The following GGT1 variants were observed in gnomAD, a reference collection of about 807,000 sequenced individuals.
GGT1 encodes glutathione hydrolase 1 proenzyme.
In GGT1, 21 loss-of-function variants were observed where a neutral mutation model predicts 56.0. The ratio of observed to expected loss-of-function variants is 0.38; its 90% CI spans 0.27 to 0.54. GGT1 has a LOEUF of 0.54. Ranked by LOEUF, GGT1 falls within the 20% of genes least tolerant of loss-of-function variation. The pLI is 0.82. For synonymous variants in GGT1, 238 were observed against 342.6 expected (o/e 0.69, Z 3.37); for missense variants, 466 against 787.0 (o/e 0.59, Z 4.88).
At chr22:24,616,717 T>C (rs529748885) in intron 7 of GGT1, among the ~76,000 whole-genome samples, 1 of 151,980 alleles carries the variant, frequency 6.6e-6, no homozygotes, top group South Asian at 2.1e-4. Flanking sequence ...GCTAATTTTT[T>C]GTATTTTTTA....
chr22:24,589,558 G>A, the GGT1 span: 1 of 470,340 alleles, frequency 2.1e-6, no homozygotes. Context: ...GGGCCCCCAG[G>A]CCTGGTGCAC....
upstream of GGT1, chr22:24,593,220 A>G: frequency 1.9e-6 from 1 of 532,626 alleles, no homozygotes; most frequent in Non-Finnish European, 2.4e-6. Flanking sequence ...GTTTGGCCTG[A>G]TCACACTGGA....
rs12167957 is a variant in GGT1, at chr22:24,628,049, C to T, written c.1337-32C>T. On this transcript the variant is annotated intron_variant, in intron 13 of 15. Transcript: ENST00000400382. This position sits in a 1 kb window ranked among gnomAD's most constrained non-coding sequence, Gnocchi z 5.7. ...GCGGGTGTCCTGGGCAGGCAGCTGACGGGCATCCCTGTCTTCTCCCATCGG... is the reference window on the plus strand; with the variant it reads ...GCGGGTGTCCTGGGCAGGCAGCTGATGGGCATCCCTGTCTTCTCCCATCGG... 0.019 allele frequency: 31,068 copies of T among 1,610,866 alleles called. 4,417 individuals are homozygous for T. In the African/African-American group the frequency reaches 0.35, roughly 18 times the overall value.
Position 24,628,386 on chromosome 22 carries a change from C to T in GGT1, c.1561C>T (p.Gln521Ter). ...CACGACAGTGGAGAGAAACATTGAC[C>T]AGGTGGGCCGGGGGTTGGAGAAACT... Reference protein sequence around the residue: ...NVTTVERNIDQAVTAALETRH... With the variant: ...NVTTVERNID The change falls in exon 15 of 16, where the codon CAG becomes TAG. Residue 521 changes from glutamine to a stop codon, truncating the protein, a stop_gained and splice_region_variant. Coordinates refer to ENST00000400382, the MANE Select transcript of GGT1 (RefSeq NM_001288833.2). LOFTEE classifies it low-confidence loss of function (END_TRUNC). The surrounding 1 kb of genome is among the most constrained non-coding windows in gnomAD (Gnocchi z 5.7). 6.2e-7 allele frequency: 1 copy of T among 1,610,758 alleles called. No homozygotes were observed. Among genetic ancestry groups the T allele is most frequent in the East Asian group, 2.2e-5 (1 of 44,870 alleles).
At chr22:24,599,890 CAG>C (rs200599062), upstream of GGT1, among the ~76,000 whole-genome samples, 149 of 152,338 alleles carry the variant, frequency 9.8e-4, 1 homozygote, top group African/African-American at 3.3e-3. Flanking sequence ...AGTGAAGTCA[CAG>C]GGGGCTGTGG....
At chr22:24,627,735 C>T in intron 12 of GGT1, 116 bp downstream of exon 12, 1 of 1,564,976 alleles carries the variant, frequency 6.4e-7, no homozygotes, top group Non-Finnish European at 8.7e-7. Context: ...AAACTGAGGC[C>T]CAACCTTGGT....
intron 9 of GGT1, among the ~76,000 whole-genome samples, chr22:24,621,959 A>G (rs1224456853): frequency 6.6e-6 from 1 of 151,536 alleles, no homozygotes; most frequent in African/African-American, 2.4e-5. Flanking sequence ...CTGTGCCAGG[A>G]GAATCGCTAG....
At chr22:24,587,725 C>G in the GGT1 span, among the ~76,000 whole-genome samples, 2 of 152,204 alleles carry the variant, frequency 1.3e-5, no homozygotes, top group Non-Finnish European at 2.9e-5. Context: ...TTTAGGCAGC[C>G]TGGCAGTGGC....
chr22:24,592,852 C>A, upstream of GGT1: 1 of 1,277,628 alleles, frequency 7.8e-7, no homozygotes, highest in Non-Finnish European at 9.9e-7. Context: ...GCGGACGGCT[C>A]CTTCTCTCGC....
upstream of GGT1, among the ~76,000 whole-genome samples, chr22:24,601,906 T>G (rs765500605): frequency 1.3e-5 from 2 of 152,160 alleles, no homozygotes; most frequent in Non-Finnish European, 1.5e-5. Flanking sequence ...AGCACTCCCT[T>G]CTTCCCATGA....
intron 5 of GGT1, among the ~76,000 whole-genome samples, chr22:24,611,551 T>TATC (rs1281948752): frequency 0.016 from 509 of 31,138 alleles, 3 homozygotes; most frequent in African/African-American, 0.031. Context: ...ATCATCTATC[T>TATC]ATCTATCTAT....
At chr22:24,612,613 G>A (rs551759306) in intron 5 of GGT1, among the ~76,000 whole-genome samples, 1 of 151,770 alleles carries the variant, frequency 6.6e-6, no homozygotes, top group African/African-American at 2.4e-5. Context: ...TGCAACCTCC[G>A]TCTCCTGGAT....
chr22:24,621,644 C>T (rs61500154), intron 9 of GGT1, among the ~76,000 whole-genome samples: 4,901 of 152,114 alleles, frequency 0.032, 281 homozygotes, highest in African/African-American at 0.11. Flanking sequence ...ATGCCAATAC[C>T]CTGTCTGTCT....
intron 1 of GGT1, among the ~76,000 whole-genome samples, chr22:24,604,567 T>G (rs2045914761): frequency 6.6e-6 from 1 of 152,106 alleles, no homozygotes; most frequent in East Asian, 1.9e-4. Flanking sequence ...GAGTGAGGCT[T>G]GCACATTTCT....
intron 5 of GGT1, among the ~76,000 whole-genome samples, chr22:24,611,514 CCTATCTATCTAT>C (rs201643332): frequency 7.3e-6 from 1 of 136,708 alleles, no homozygotes; most frequent in African/African-American, 3.3e-5. Context: ...CTTATTTCTT[CCTATCTATCTAT>C]CTATCTATCT....
Position 24,628,158 on chromosome 22 carries a change from G to C in GGT1, c.1414G>C (p.Ala472Pro), listed in dbSNP as rs760397298. ...CCAGGTCCGGATGGTGGTGGGAGCTGCTGGGGGCACACAGATCACCACGGC... is the reference window on the plus strand; with the variant it reads ...CCAGGTCCGGATGGTGGTGGGAGCTCCTGGGGGCACACAGATCACCACGGC... ...DGQVRMVVGAAGGTQITTATA... is the reference protein window; with the variant it reads ...DGQVRMVVGAPGGTQITTATA... The change falls in exon 14 of 16, where the codon GCT (alanine) becomes CCT (proline). Residue 472 changes from alanine (A) to proline (P), a missense_variant. Physicochemically the swap from Ala to Pro is conservative, Grantham distance 27. This residue lies in a region of GGT1 where 456 missense variants were observed against 716.7 expected (regional missense o/e 0.64). Transcript: ENST00000400382. This position sits in a 1 kb window ranked among gnomAD's most constrained non-coding sequence, Gnocchi z 5.7. The C allele has an allele frequency of 6.2e-7, 1 of 1,612,038 alleles. No individual in the cohort carries two copies. The highest frequency in any genetic ancestry group is 8.5e-7 in the Non-Finnish European group (1 of 1,179,856).
At chr22:24,588,356 G>A in the GGT1 span, 2 of 1,567,644 alleles carry the variant, frequency 1.3e-6, no homozygotes, top group Non-Finnish European at 1.8e-6. Context: ...TCACCATGGT[G>A]AATCTGAGCC....
intron 2 of GGT1, chr22:24,609,392 A>T (rs2046522695): frequency 6.5e-6 from 1 of 153,578 alleles, no homozygotes; most frequent in Non-Finnish European, 1.4e-5. Flanking sequence ...GACTACTGCC[A>T]GGTCTCTCTG....
chr22:24,589,884 C>T (rs746992017), upstream of GGT1: 19 of 1,613,666 alleles, frequency 1.2e-5, no homozygotes, highest in African/African-American at 5.3e-5. Flanking sequence ...TGGGGTCGAC[C>T]GGGTTGAGGA....
Sources: gnomAD v4.1 joint callset for allele counts (sites outside exome capture counted in the v4.1 genomes callset) on GRCh38, gnomAD v4.1.1 for gene constraint, gnomAD v4.1.1 regional missense constraint, Gnocchi (gnomAD v3.1) non-coding constraint, MANE v1.5 for transcripts, NCBI Gene and HGNC (gene_info 2026-07-23, HGNC 2026-07-21) for gene names.